The following TFPI variants were observed in gnomAD, a reference collection of about 807,000 sequenced individuals.
TFPI encodes tissue factor pathway inhibitor, also known as anti-convertin.
TFPI carries 15 observed loss-of-function variants against 34.6 expected under a neutral mutation model. The ratio of observed to expected loss-of-function variants is 0.43; its 90% confidence interval spans 0.29 to 0.67. The LOEUF (loss-of-function observed/expected upper bound fraction) is 0.67. Among genes scored for constraint, TFPI ranks in the 30% least tolerant of loss-of-function variants. The probability of loss-of-function intolerance (pLI) is 0.15; values close to 1 mark genes in which losing one functional copy is unlikely to be tolerated. For missense variants in TFPI, 301 were observed against 364.0 expected (o/e 0.83, Z 1.41); for synonymous variants, 105 against 120.1 (o/e 0.87, Z 0.82).
At chr2:187,540,890 CAAAAAAAAAAA>C (rs56921212) in intron 1 of TFPI, among the ~76,000 whole-genome samples, 2 of 84,764 alleles carry the variant, frequency 2.4e-5, no homozygotes, top group African/African-American at 9.2e-5. Context: ...GACTCCATCT[CAAAAAAAAAAA>C]AAAAAAGAAA....
chr2:187,533,122 TG>T (rs1688057161), intron 1 of TFPI, among the ~76,000 whole-genome samples: 1 of 151,876 alleles, frequency 6.6e-6, no homozygotes, highest in Non-Finnish European at 1.5e-5. Context: ...GGGGAAGGGG[TG>T]GATGTGGACA....
chr2:187,468,258 G>GAC (rs61019402), intron 6 of TFPI, among the ~76,000 whole-genome samples: 44,795 of 146,898 alleles, frequency 0.3, 6,586 homozygotes, highest in Middle Eastern at 0.4. Context: ...ATTTCTTACA[G>GAC]ACACACACAC....
chr2:187,484,432 T>C (rs1186154253), intron 5 of TFPI: 6 of 547,912 alleles, frequency 1.1e-5, no homozygotes, highest in Non-Finnish European at 1.6e-5. Context: ...CAGTTAATGT[T>C]TAAGTCATCC....
chr2:187,543,876 T>A (rs1353484979), intron 1 of TFPI, among the ~76,000 whole-genome samples: 2 of 152,222 alleles, frequency 1.3e-5, no homozygotes, highest in South Asian at 4.1e-4. Flanking sequence ...TTGTCCTGTC[T>A]GTAAGTGACA....
intron 1 of TFPI, among the ~76,000 whole-genome samples, chr2:187,539,473 TCA>T (rs1688453242): frequency 6.6e-6 from 1 of 152,242 alleles, no homozygotes; most frequent in Admixed American, 6.5e-5. Flanking sequence ...TCTATAAGAT[TCA>T]GTTTTCCATT....
chr2:187,551,168 C>CAT (rs1391855353), intron 1 of TFPI, among the ~76,000 whole-genome samples: 1 of 152,152 alleles, frequency 6.6e-6, no homozygotes, highest in Non-Finnish European at 1.5e-5. Context: ...TTTTTACTCA[C>CAT]ATATTGACTG....
intron 1 of TFPI, among the ~76,000 whole-genome samples, chr2:187,510,583 C>T (rs753440058): frequency 2.0e-5 from 3 of 152,226 alleles, no homozygotes; most frequent in Admixed American, 6.5e-5. Context: ...ATGAAATCCA[C>T]AGGCAGGCAG....
intron 1 of TFPI, among the ~76,000 whole-genome samples, chr2:187,537,280 A>C (rs981677315): frequency 6.6e-6 from 1 of 152,240 alleles, no homozygotes; most frequent in African/African-American, 2.4e-5. Flanking sequence ...TATATAGCCA[A>C]GACAATCCTA....
intron 3 of TFPI, among the ~76,000 whole-genome samples, chr2:187,490,556 A>G (rs996333758): frequency 1.3e-5 from 2 of 151,570 alleles, no homozygotes; most frequent in Non-Finnish European, 3.0e-5. Flanking sequence ...ATTAGTGCTT[A>G]CATATTATAT....
intron 1 of TFPI, chr2:187,517,019 C>T (rs1687055796): frequency 6.6e-6 from 1 of 152,218 alleles, no homozygotes; most frequent in Non-Finnish European, 1.5e-5. Context: ...CTGAATAAAG[C>T]TCCTTCCTTC....
In TFPI at chr2:187,482,434, A is replaced by G. The variant is rs932007436; in HGVS notation, c.628+1690T>C. Among the ~76,000 whole-genome samples, 5 of 152,132 alleles carry G rather than the reference A, an allele frequency of 3.3e-5. No individual in the cohort carries two copies. In the East Asian group the frequency reaches 9.6e-4, roughly 29 times the overall value. Reference sequence around the variant, plus strand: ...GCAACGATAGTACTTAATTTTTCAGATAAGTCAGAATCACAAAAGTATTAA... The same window carrying G: ...GCAACGATAGTACTTAATTTTTCAGGTAAGTCAGAATCACAAAAGTATTAA... On this transcript the variant is annotated intron_variant, in intron 6 of 7. Coordinates refer to ENST00000233156, the MANE Select transcript of TFPI (RefSeq NM_006287.6).
Position 187,501,136 on chromosome 2 carries a change from C to T in TFPI, c.121+2512G>A, listed in dbSNP as rs369582814. On this transcript the variant is annotated intron_variant, in intron 2 of 7. Transcript: ENST00000233156. ...GTTTACAGAGGTAATAATTATCTGC[C>T]AGCGGCCATGAGAAAGCAAAACACA... Among the ~76,000 whole-genome samples, 16 of 152,048 alleles carry T rather than the reference C, an allele frequency of 1.1e-4. No homozygotes were observed. In the East Asian group the frequency reaches 2.2e-3, roughly 21 times the overall value.
chr2:187,473,377 A>T (rs1444400984), intron 6 of TFPI, among the ~76,000 whole-genome samples: 2 of 152,176 alleles, frequency 1.3e-5, no homozygotes, highest in Admixed American at 1.3e-4. Flanking sequence ...TCCAGCAGCT[A>T]CTTCCAGTCT....
At chr2:187,468,141 G>T (rs8176628) in intron 6 of TFPI, among the ~76,000 whole-genome samples, 2 of 151,722 alleles carry the variant, frequency 1.3e-5, no homozygotes, top group Non-Finnish European at 2.9e-5. Flanking sequence ...TTTCTCCAAT[G>T]AATTAAAAAA....
At chr2:187,496,836 A>G (rs771830993) in intron 3 of TFPI, 45 bp downstream of exon 3, 2 of 1,538,000 alleles carry the variant, frequency 1.3e-6, no homozygotes, top group South Asian at 2.4e-5. Flanking sequence ...ATTAGACTCA[A>G]TAGCCCTAAA....
At chr2:187,544,983 G>A (rs1030240739) in intron 1 of TFPI, among the ~76,000 whole-genome samples, 2 of 151,948 alleles carry the variant, frequency 1.3e-5, no homozygotes, top group African/African-American at 4.8e-5. Context: ...GTTGTGGTGT[G>A]CGCCTGTAAT....
Position 187,465,492 on chromosome 2 carries a change from G to GAAAAAAAAAAAAAAAAAAGA in TFPI, c.*1443_*1444insTCTTTTTTTTTTTTTTTTTT, listed in dbSNP as rs199557966. ...AAAACATAACAAAACAAAACAAAAT[G>GAAAAAAAAAAAAAAAAAAGA]AAAAAAAAAAAAAAACAAGAAAAAA... On this transcript the variant is annotated 3_prime_UTR_variant, in exon 8 of 8. Transcript: ENST00000233156. 3.0e-5 allele frequency: 2 copies of GAAAAAAAAAAAAAAAAAAGA among 67,784 alleles called. No homozygotes were observed. The highest frequency in any genetic ancestry group is 1.1e-4 in the African/African-American group (2 of 17,702). The allele number at this position is 67,784 out of a possible 1,614,324, so 4.2% of individuals were successfully genotyped here.
chr2:187,497,020 A>C lies in TFPI; in HGVS notation c.180T>G (p.Asp60Glu). The change falls in exon 3 of 8, where the codon GAT becomes GAG. Residue 60 changes from aspartate (D) to glutamate (E), a missense_variant. Asp to Glu is a conservative substitution (Grantham distance 45, BLOSUM62 2). Transcript: ENST00000233156. Reference protein sequence around the residue: ...MHSFCAFKADDGPCKAIMKRF... With the variant: ...MHSFCAFKADEGPCKAIMKRF... ...TTTTCATGATTGCTTTACATGGGCC[A>C]TCATCCGCCTTGAATGCACAAAATG... The C allele has an allele frequency of 6.2e-7, 1 of 1,613,392 alleles. No individual in the cohort carries two copies. The highest frequency in any genetic ancestry group is 8.5e-7 in the Non-Finnish European group (1 of 1,179,550).
At chr2:187,506,471 G>A (rs762366715) in intron 1 of TFPI, among the ~76,000 whole-genome samples, 14 of 151,976 alleles carry the variant, frequency 9.2e-5, no homozygotes, top group Non-Finnish European at 1.9e-4. Context: ...TTGATACATT[G>A]TTACTAACTA....
Sources: gnomAD v4.1 joint callset for allele counts (sites outside exome capture counted in the v4.1 genomes callset) on GRCh38, gnomAD v4.1.1 for gene constraint, MANE v1.5 for transcripts, NCBI Gene and HGNC (gene_info 2026-07-23, HGNC 2026-07-21) for gene names.